The following AGL variants were observed in gnomAD, a reference collection of about 807,000 sequenced individuals.
The protein encoded by AGL is glycogen debranching enzyme.
In AGL, 128 loss-of-function variants were observed where a neutral mutation model predicts 199.3. The ratio of observed to expected loss-of-function variants is 0.64; its 90% CI spans 0.56 to 0.74. The LOEUF is 0.74. Among genes scored for constraint, AGL ranks in the 30% least tolerant of loss-of-function variants. The probability of loss-of-function intolerance (pLI) is 0.00; values close to 1 mark genes in which losing one functional copy is unlikely to be tolerated. For missense variants in AGL, 1,809 were observed against 1,820.8 expected, an observed-to-expected ratio of 0.99 and a Z score of 0.12; for synonymous variants, 584 against 594.7, an observed-to-expected ratio of 0.98 and a Z score of 0.26.
intron 33 of AGL, among the ~76,000 whole-genome samples, chr1:99,920,160 G>C (rs1655416969): frequency 6.6e-6 from 1 of 152,216 alleles, no homozygotes; most frequent in Non-Finnish European, 1.5e-5. Context: ...TGCTAGAGCT[G>C]CAGTAACAGA....
chr1:99,891,141 T>A, intron 21 of AGL, 79 bp from the exon 22 acceptor site: 10 of 1,569,902 alleles, frequency 6.4e-6, no homozygotes, highest in Non-Finnish European at 8.8e-6. Flanking sequence ...GAATAGAGAC[T>A]AGCAGAATAG....
At chr1:99,883,804 T>C (rs1037694459) in intron 17 of AGL, among the ~76,000 whole-genome samples, 1 of 152,116 alleles carries the variant, frequency 6.6e-6, no homozygotes, top group African/African-American at 2.4e-5. Flanking sequence ...ATCCGAAATA[T>C]TCCAAGTTTT....
chr1:99,867,617 G>A (rs754290752), intron 5 of AGL, among the ~76,000 whole-genome samples: 4 of 150,972 alleles, frequency 2.6e-5, no homozygotes, highest in African/African-American at 7.3e-5. Context: ...GTGCAGTGGC[G>A]CAGTCTTGGC....
intron 2 of AGL, among the ~76,000 whole-genome samples, chr1:99,857,847 A>AGGGAGACCGTGGGGAGGGGGAGGG (rs1649685231): frequency 1.2e-4 from 1 of 8,226 alleles, no homozygotes; most frequent in Non-Finnish European, 2.4e-4. Context: ...GGGGAGGGGG[A>AGGGAGACCGTGGGGAGGGGGAGGG]GGGGGGAAGA....
At chr1:99,885,299 A>G (rs1008833134) in intron 20 of AGL, among the ~76,000 whole-genome samples, 11 of 152,182 alleles carry the variant, frequency 7.2e-5, no homozygotes, top group African/African-American at 2.7e-4. Context: ...TAGAACTTTC[A>G]TCATCTCAGT....
At chr1:99,850,869 T>G in intron 1 of AGL, 106 bp from the exon 2 acceptor site, 1 of 680,336 alleles carries the variant, frequency 1.5e-6, no homozygotes, top group South Asian at 1.7e-5. Context: ...CTTTCATTGC[T>G]CTGCTAGGCA....
chr1:99,912,963 C>G (rs1482555337), intron 29 of AGL, among the ~76,000 whole-genome samples: 1 of 152,174 alleles, frequency 6.6e-6, no homozygotes, highest in Non-Finnish European at 1.5e-5. Flanking sequence ...TGGCTCATGC[C>G]TGTAATCTCC....
At chr1:99,874,879 C>T in intron 8 of AGL, 69 bp downstream of exon 8, 1 of 1,534,298 alleles carries the variant, frequency 6.5e-7, no homozygotes, top group African/African-American at 1.4e-5. Flanking sequence ...GTATGATTTT[C>T]ATACTACTTA....
intron 28 of AGL, 145 bp downstream of exon 28, chr1:99,910,992 T>C: frequency 1.2e-6 from 1 of 818,714 alleles, no homozygotes; most frequent in Non-Finnish European, 2.0e-6. Flanking sequence ...CTCCCCATTA[T>C]ACATTTACAC....
At chr1:99,904,048 G>C (rs1389585379) in intron 27 of AGL, among the ~76,000 whole-genome samples, 1 of 152,094 alleles carries the variant, frequency 6.6e-6, no homozygotes, top group Non-Finnish European at 1.5e-5. Context: ...GCTACTAAGT[G>C]GTAGAGGTAG....
chr1:99,885,519 G>A (rs1366459950), intron 20 of AGL, among the ~76,000 whole-genome samples: 1 of 152,104 alleles, frequency 6.6e-6, no homozygotes, highest in Non-Finnish European at 1.5e-5. Flanking sequence ...GAACCAGGCC[G>A]CACAGCAGGA....
chr1:99,911,035 A>C (rs1654719258), intron 28 of AGL, among the ~76,000 whole-genome samples, 188 bp downstream of exon 28: 1 of 152,206 alleles, frequency 6.6e-6, no homozygotes, highest in South Asian at 2.1e-4. Context: ...AAGTAACACT[A>C]TCTGTTCTTT....
At chr1:99,873,022 C>T (rs1347851015) in intron 7 of AGL, among the ~76,000 whole-genome samples, 1 of 151,870 alleles carries the variant, frequency 6.6e-6, no homozygotes, top group Non-Finnish European at 1.5e-5. Context: ...TCTTTTAACT[C>T]TTGTTTATGG....
rs1553192407 is a variant in AGL at position 99,910,847 on chromosome 1, G to GGT, written c.3836+1_3836+2dup. ...AACAGAGGAATCCCAGCCACACCAA[G>GGT]GTAGTGTAAATGTTATAATGCTGTG... On this transcript the variant is annotated frameshift_variant and splice_region_variant. Coordinates refer to ENST00000361915, the MANE Select transcript of AGL (RefSeq NM_000642.3). LOFTEE classifies it high-confidence loss of function. 6.2e-7 allele frequency: 1 copy of GGT among 1,612,106 alleles called. No homozygotes were observed. Among genetic ancestry groups the GGT allele is most frequent in the Non-Finnish European group, 8.5e-7 (1 of 1,178,742 alleles).
chr1:99,890,173 T>C (rs1652767315), intron 21 of AGL, among the ~76,000 whole-genome samples: 1 of 152,216 alleles, frequency 6.6e-6, no homozygotes, highest in South Asian at 2.1e-4. Context: ...AAGTCCTATA[T>C]ACAAAACCAA....
chr1:99,890,492 TACC>T, intron 21 of AGL, among the ~76,000 whole-genome samples: 1 of 152,132 alleles, frequency 6.6e-6, no homozygotes, highest in Non-Finnish European at 1.5e-5. Context: ...ACATGCTACA[TACC>T]TAGTAAAATT....
intron 3 of AGL, among the ~76,000 whole-genome samples, 194 bp from the exon 4 acceptor site, chr1:99,862,063 T>A (rs906309720): frequency 6.6e-6 from 1 of 152,210 alleles, no homozygotes; most frequent in Admixed American, 6.5e-5. Context: ...ATACATGTAA[T>A]TATGTAGATT....
chr1:99,871,631 A>G (rs185966169), intron 7 of AGL, among the ~76,000 whole-genome samples: 1 of 152,312 alleles, frequency 6.6e-6, no homozygotes, highest in South Asian at 2.1e-4. Context: ...GTAGACGTCA[A>G]TATGGCTTGA....
At chr1:99,865,337 A>G (rs1193223433) in intron 5 of AGL, among the ~76,000 whole-genome samples, 1 of 152,198 alleles carries the variant, frequency 6.6e-6, no homozygotes, top group Non-Finnish European at 1.5e-5. Flanking sequence ...GCATATATGA[A>G]AAAACTGAAT....
Sources: gnomAD v4.1 joint callset for allele counts (sites outside exome capture counted in the v4.1 genomes callset) on GRCh38, gnomAD v4.1.1 for gene constraint, MANE v1.5 for transcripts, NCBI Gene and HGNC (gene_info 2026-07-23, HGNC 2026-07-21) for gene names.